KDM4D: variants seen among roughly 807,000 people sequenced by gnomAD.
KDM4D encodes lysine-specific demethylase 4D.
For synonymous variants in KDM4D, 254 were observed against 249.1 expected (o/e 1.02, Z -0.19); for missense variants, 427 against 674.8 (o/e 0.63, Z 4.07).
Position 94,998,936 on chromosome 11 carries a change from G to A in KDM4D, c.1564G>A (p.Val522Met), listed in dbSNP as rs1446330863. 8 of 1,508,762 alleles carry A rather than the reference G, an allele frequency of 5.3e-6. No individual in the cohort carries two copies. In the African/African-American group the frequency reaches 9.8e-5, roughly 18 times the overall value. The allele number at this position is 1,508,762 out of a possible 1,614,324, so 93.5% of individuals were successfully genotyped here. Residue 522 changes from valine to methionine, a missense_variant, in exon 3 of 3, where the codon GTG becomes ATG. Val to Met is a conservative substitution (Grantham distance 21, BLOSUM62 1). Transcript: ENST00000335080. This position sits in a 1 kb window ranked among gnomAD's most constrained non-coding sequence, Gnocchi z 6.7. ...GGCTTCTGGGTGCAGCTGGGCCCCT[G>A]TGCCCTAAGTCCACGGGCTGTCTTT... ...VKASGCSWAP[V>M]P
At chr11:94,975,328 A>G (rs1245766654) in intron 1 of KDM4D, among the ~76,000 whole-genome samples, 1 of 151,850 alleles carries the variant, frequency 6.6e-6, no homozygotes, top group African/African-American at 2.4e-5. Context: ...TTTTATTTCC[A>G]TGTCTCTCAG....
At chr11:94,993,126 A>G (rs1440107547) in intron 2 of KDM4D, among the ~76,000 whole-genome samples, 5 of 151,866 alleles carry the variant, frequency 3.3e-5, no homozygotes, top group Non-Finnish European at 7.4e-5. Context: ...AACACCCCCC[A>G]ACACACACAC....
intron 2 of KDM4D, among the ~76,000 whole-genome samples, chr11:94,984,792 G>C (rs964925117): frequency 6.6e-6 from 1 of 151,800 alleles, no homozygotes; most frequent in African/African-American, 2.4e-5. Context: ...ACTTGAACCC[G>C]GGAGGTGGAG....
intron 2 of KDM4D, among the ~76,000 whole-genome samples, chr11:94,993,368 A>T (rs1032205441): frequency 6.6e-6 from 1 of 152,160 alleles, no homozygotes; most frequent in Non-Finnish European, 1.5e-5. Flanking sequence ...CAGTGTAATT[A>T]TTCTCTACTG....
rs1858004688 is a variant in KDM4D, at chr11:94,999,042, C to T, written c.*98C>T. 1.6e-6 allele frequency: 2 copies of T among 1,215,802 alleles called. No individual in the cohort carries two copies. The highest frequency in any genetic ancestry group is 5.2e-5 in the South Asian group (2 of 38,718). 75.3% of individuals were successfully genotyped at this position (1,215,802 alleles called of 1,614,324 possible). On this transcript the variant is annotated 3_prime_UTR_variant, in exon 3 of 3. Transcript: ENST00000335080. Reference sequence around the variant, plus strand: ...CAAAACTTTGGTTGAGTTTGCAGGACTCTAGGCATGCATGAAAGAGCCCCC... The same window carrying T: ...CAAAACTTTGGTTGAGTTTGCAGGATTCTAGGCATGCATGAAAGAGCCCCC...
chr11:94,982,957 C>A (rs1411478575), intron 2 of KDM4D, among the ~76,000 whole-genome samples: 1 of 151,672 alleles, frequency 6.6e-6, no homozygotes, highest in Non-Finnish European at 1.5e-5. Flanking sequence ...CAATGCATTC[C>A]CAATTTAAAT....
At chr11:94,974,167 G>T (rs1857775121) in intron 1 of KDM4D, 99 bp downstream of exon 1, 1 of 152,208 alleles carries the variant, frequency 6.6e-6, no homozygotes, top group Non-Finnish European at 1.5e-5. Flanking sequence ...TTAGTGGGAG[G>T]GGAGATGTCA....
intron 2 of KDM4D, among the ~76,000 whole-genome samples, chr11:94,992,043 G>A (rs12292431): frequency 0.46 from 70,405 of 151,494 alleles, 16,860 homozygotes; most frequent in Non-Finnish European, 0.53. Context: ...CCCCCTCTCC[G>A]AAATACAGAA....
At chr11:94,996,808 A>C (rs1857979120) in intron 2 of KDM4D, among the ~76,000 whole-genome samples, 1 of 152,222 alleles carries the variant, frequency 6.6e-6, no homozygotes, top group Non-Finnish European at 1.5e-5. Context: ...AAACTGTCCA[A>C]ATAGTTTTCC....
Position 94,997,834 on chromosome 11 carries a change from T to C in KDM4D, c.462T>C (p.Leu154=). 1 of 1,614,262 alleles carries C rather than the reference T, an allele frequency of 6.2e-7. No homozygotes were observed. The highest frequency in any genetic ancestry group is 8.5e-7 in the Non-Finnish European group (1 of 1,180,040). Residue 154 remains leucine, a synonymous_variant, in exon 3 of 3, where the codon CTT becomes CTC. Transcript: ENST00000335080. The part of the protein sequence containing the change: ...LFDENTKQWN[L]GHLGTIQDLL... ...ATGAAAACACTAAACAATGGAATCT[T>C]GGGCACCTGGGAACAATTCAGGACC...
rs1555099577 is a variant in KDM4D, at chr11:94,998,513, T to C, written c.1141T>C (p.Trp381Arg). ...ALGLRQLPSH[W>R]ARHSPWPMAA... ...GGGCCTGAGACAACTCCCTTCCCAC[T>C]GGGCCCGGCATTCCCCTTGGCCTAT... The change falls in exon 3 of 3, where the codon TGG (tryptophan) becomes CGG (arginine). Residue 381 changes from tryptophan (W) to arginine (R), a missense_variant. Physicochemically the swap from Trp to Arg is moderately radical, Grantham distance 101 (BLOSUM62 -3). Coordinates refer to ENST00000335080, the MANE Select transcript of KDM4D (RefSeq NM_018039.3). This position sits in a 1 kb window ranked among gnomAD's most constrained non-coding sequence, Gnocchi z 6.7. 6.2e-7 allele frequency: 1 copy of C among 1,612,478 alleles called. No homozygotes were observed. The highest frequency in any genetic ancestry group is 1.7e-5 in the Admixed American group (1 of 60,020).
chr11:94,991,727 C>T (rs1278482167), intron 2 of KDM4D, among the ~76,000 whole-genome samples: 4 of 150,580 alleles, frequency 2.7e-5, no homozygotes, highest in African/African-American at 9.8e-5. Flanking sequence ...AGGTCTAATC[C>T]ATGAAAGGTC....
In KDM4D at chr11:94,998,869, C is replaced by T; in HGVS notation, c.1497C>T (p.Asp499=). 2 of 1,523,072 alleles carry T rather than the reference C, an allele frequency of 1.3e-6. No homozygotes were observed. Among genetic ancestry groups the T allele is most frequent in the South Asian group, 2.6e-5 (2 of 76,926 alleles). 94.3% of individuals were successfully genotyped at this position (1,523,072 alleles called of 1,614,324 possible). The part of the protein sequence containing the change: ...EPLPEDGALM[D]KPVPLSPGLQ... ...TACCTGAGGATGGGGCTTTGATGGA[C>T]AAGCCTGTACCACTGAGCCCAGGGC... is the stretch of plus-strand genomic sequence containing the variant. Residue 499 remains aspartate, a synonymous_variant, in exon 3 of 3, where the codon GAC becomes GAT. Coordinates refer to ENST00000335080, the MANE Select transcript of KDM4D (RefSeq NM_018039.3). This position sits in a 1 kb window ranked among gnomAD's most constrained non-coding sequence, Gnocchi z 6.7.
At chr11:94,978,640 C>T (rs1252045425) in intron 2 of KDM4D, among the ~76,000 whole-genome samples, 1 of 152,126 alleles carries the variant, frequency 6.6e-6, no homozygotes, top group Non-Finnish European at 1.5e-5. Context: ...AAATACCTCA[C>T]CAGCTGACCA....
Position 94,998,588 on chromosome 11 carries a change from C to T in KDM4D, c.1216C>T (p.Pro406Ser). 1 of 1,613,960 alleles carries T rather than the reference C, an allele frequency of 6.2e-7. No individual in the cohort carries two copies. Among genetic ancestry groups the T allele is most frequent in the Non-Finnish European group, 8.5e-7 (1 of 1,180,036 alleles). The change falls in exon 3 of 3, where the codon CCA becomes TCA. Residue 406 changes from proline (P) to serine (S), a missense_variant. By Grantham distance (74) the Pro-to-Ser change is moderately conservative. Coordinates refer to ENST00000335080, the MANE Select transcript of KDM4D (RefSeq NM_018039.3). The surrounding 1 kb of genome is among the most constrained non-coding windows in gnomAD (Gnocchi z 6.7). ...RCHTLVCSSL[P>S]RRSAVSGTAT... Reference sequence around the variant, plus strand: ...CCACACCCTTGTGTGCTCTTCACTCCCACGCCGATCTGCAGTTAGTGGCAC... The same window carrying T: ...CCACACCCTTGTGTGCTCTTCACTCTCACGCCGATCTGCAGTTAGTGGCAC...
intron 2 of KDM4D, among the ~76,000 whole-genome samples, chr11:94,991,750 A>C (rs1396971673): frequency 6.6e-6 from 1 of 151,926 alleles, no homozygotes; most frequent in Non-Finnish European, 1.5e-5. Flanking sequence ...ATATCTAAAT[A>C]AGAGGAGTTA....
intron 2 of KDM4D, among the ~76,000 whole-genome samples, chr11:94,994,169 C>A (rs1331062030): frequency 6.6e-6 from 1 of 152,164 alleles, no homozygotes; most frequent in Non-Finnish European, 1.5e-5. Context: ...CTCTGACAGG[C>A]ACTGACCATA....
chr11:94,989,907 C>T (rs1310794862), intron 2 of KDM4D, among the ~76,000 whole-genome samples: 9 of 151,744 alleles, frequency 5.9e-5, no homozygotes, highest in African/African-American at 1.9e-4. Flanking sequence ...GATTACAGGC[C>T]ACCACCACGT....
At chr11:94,988,907 T>C (rs1857910933) in intron 2 of KDM4D, among the ~76,000 whole-genome samples, 1 of 152,142 alleles carries the variant, frequency 6.6e-6, no homozygotes, top group African/African-American at 2.4e-5. Context: ...AGGATTACAA[T>C]GACTAGAAAC....
Sources: allele counts gnomAD v4.1 joint callset (sites outside exome capture counted in the v4.1 genomes callset), GRCh38; gene constraint gnomAD v4.1.1; non-coding constraint Gnocchi (gnomAD v3.1); transcripts MANE v1.5; gene names NCBI Gene and HGNC (gene_info 2026-07-23, HGNC 2026-07-21).